Variants in NALF1 observed in about 807,000 individuals in gnomAD.
The protein encoded by NALF1 is NALCN channel auxiliary factor 1, also known as family with sequence similarity 155 member A.
A neutral mutation model predicts 48.4 loss-of-function variants in NALF1; 3 were observed. That is an observed-to-expected ratio of 0.06 (90% CI 0.03 to 0.16). The LOEUF (loss-of-function observed/expected upper bound fraction) is 0.16, where lower values mean the gene tolerates loss of function less well. NALF1 is among the 10% of genes least tolerant of loss of function. The probability of loss-of-function intolerance (pLI) is 1.00; values close to 1 mark genes in which losing one functional copy is unlikely to be tolerated. For missense variants in NALF1, 526 were observed against 571.5 expected (o/e 0.92, Z 0.81); for synonymous variants, 262 against 245.7 (o/e 1.07, Z -0.62).
At chr13:107,204,064 CACAA>C (rs1879582401) in intron 2 of NALF1, among the ~76,000 whole-genome samples, 1 of 142,898 alleles carries the variant, frequency 7.0e-6, no homozygotes, top group Non-Finnish European at 1.5e-5. Context: ...GAGGGGCGCC[CACAA>C]GCTCTCCCTG....
intron 1 of NALF1, among the ~76,000 whole-genome samples, chr13:107,387,700 C>T (rs913566244): frequency 6.6e-6 from 1 of 152,214 alleles, no homozygotes; most frequent in Non-Finnish European, 1.5e-5. Flanking sequence ...GAGAGTCAGA[C>T]TGCATGCAAG....
At chr13:107,175,050 AC>A (rs1240566831) in intron 2 of NALF1, among the ~76,000 whole-genome samples, 2 of 90,126 alleles carry the variant, frequency 2.2e-5, no homozygotes, top group South Asian at 3.8e-4. Flanking sequence ...CGCCCGGCTA[AC>A]TTTTTTTTTT....
intron 1 of NALF1, among the ~76,000 whole-genome samples, chr13:107,620,842 A>T (rs1879500231): frequency 6.6e-6 from 1 of 152,224 alleles, no homozygotes; most frequent in African/African-American, 2.4e-5. Flanking sequence ...GTGTCCGCCC[A>T]TTCTAACTCA....
chr13:107,178,097 T>G (rs1878978629), intron 2 of NALF1, among the ~76,000 whole-genome samples: 1 of 151,414 alleles, frequency 6.6e-6, no homozygotes, highest in Admixed American at 6.6e-5. Context: ...AACTACGAAA[T>G]TACTAAAAGA....
At chr13:107,419,286 T>G (rs1884144538) in intron 1 of NALF1, among the ~76,000 whole-genome samples, 1 of 152,238 alleles carries the variant, frequency 6.6e-6, no homozygotes, top group Non-Finnish European at 1.5e-5. Flanking sequence ...GTTTAAAGAT[T>G]TTTAAAGCTA....
At chr13:107,728,909 A>T (rs1253471898) in intron 1 of NALF1, among the ~76,000 whole-genome samples, 4 of 152,166 alleles carry the variant, frequency 2.6e-5, no homozygotes, top group Non-Finnish European at 5.9e-5. Flanking sequence ...ACTAGCTACA[A>T]CGAGAGAGAA....
At chr13:107,833,145 C>A (rs148992879) in intron 1 of NALF1, among the ~76,000 whole-genome samples, 1 of 150,058 alleles carries the variant, frequency 6.7e-6, no homozygotes. Flanking sequence ...ATGGTCCCTG[C>A]GCCTCCTTTA....
At chr13:107,804,416 T>C (rs1878712191) in intron 1 of NALF1, among the ~76,000 whole-genome samples, 2 of 151,950 alleles carry the variant, frequency 1.3e-5, no homozygotes, top group Non-Finnish European at 2.9e-5. Flanking sequence ...TTTTTTTTTT[T>C]TCTCTGAGAA....
intron 1 of NALF1, among the ~76,000 whole-genome samples, chr13:107,238,433 A>G (rs1880397662): frequency 6.6e-6 from 1 of 152,174 alleles, no homozygotes; most frequent in Admixed American, 6.5e-5. Context: ...CAGGTCAGGT[A>G]AATGCAGCTC....
intron 1 of NALF1, among the ~76,000 whole-genome samples, chr13:107,456,199 CT>C (rs912397774): frequency 2.0e-5 from 3 of 152,082 alleles, no homozygotes; most frequent in African/African-American, 7.2e-5. Context: ...CAAGTTCAGG[CT>C]TTCTCTCACC....
At chr13:107,414,585 T>A (rs1204391362) in intron 1 of NALF1, among the ~76,000 whole-genome samples, 1 of 151,610 alleles carries the variant, frequency 6.6e-6, no homozygotes, top group African/African-American at 2.4e-5. Flanking sequence ...ATTTTCCCGA[T>A]TAGATTTTCA....
At chr13:107,408,774 C>G (rs1485121472) in intron 1 of NALF1, among the ~76,000 whole-genome samples, 1 of 152,070 alleles carries the variant, frequency 6.6e-6, no homozygotes, top group African/African-American at 2.4e-5. Flanking sequence ...AAATACTACA[C>G]AGTGAATAAA....
At chr13:107,322,582 C>A (rs772434325) in intron 1 of NALF1, among the ~76,000 whole-genome samples, 1 of 152,100 alleles carries the variant, frequency 6.6e-6, no homozygotes, top group Non-Finnish European at 1.5e-5. Flanking sequence ...TGAATGAACA[C>A]CAAGGATGAC....
At chr13:107,367,760 C>T (rs1435600440) in intron 1 of NALF1, among the ~76,000 whole-genome samples, 2 of 152,154 alleles carry the variant, frequency 1.3e-5, no homozygotes, top group Non-Finnish European at 2.9e-5. Flanking sequence ...GGGTAAAGAT[C>T]ATTATCCGTT....
At position 107,165,388 on chromosome 13, in the gene NALF1, T is replaced by C. The variant is rs1406952848; in HGVS notation, c.*5109A>G. On this transcript the variant is annotated 3_prime_UTR_variant, in exon 3 of 3. Transcript: ENST00000375915. ...GATCCCACTGTGCCTCGGAGCCAGCTTGTGTAATTTGTAATCAGAAGATGC... is the reference window on the plus strand; with the variant it reads ...GATCCCACTGTGCCTCGGAGCCAGCCTGTGTAATTTGTAATCAGAAGATGC... 6.6e-6 allele frequency: 1 copy of C among 152,184 alleles called. No homozygotes were observed. Among genetic ancestry groups the C allele is most frequent in the Non-Finnish European group, 1.5e-5 (1 of 68,032 alleles). The allele number at this position is 152,184 out of a possible 1,614,324, so 9.4% of individuals were successfully genotyped here.
At chr13:107,780,673 T>A (rs1273337682) in intron 1 of NALF1, among the ~76,000 whole-genome samples, 1 of 151,930 alleles carries the variant, frequency 6.6e-6, no homozygotes, top group African/African-American at 2.4e-5. Context: ...GGCTCACACC[T>A]GTAATCCCAG....
intron 1 of NALF1, among the ~76,000 whole-genome samples, chr13:107,230,714 G>A (rs184608059): frequency 3.9e-5 from 6 of 151,990 alleles, no homozygotes; most frequent in Non-Finnish European, 7.4e-5. Context: ...AAGATAGCTG[G>A]GCCAGGAAGA....
intron 1 of NALF1, among the ~76,000 whole-genome samples, chr13:107,705,480 AG>A (rs1210386810): frequency 6.7e-6 from 1 of 148,758 alleles, no homozygotes; most frequent in East Asian, 2.0e-4. Flanking sequence ...GAGCTGCAAA[AG>A]GTTCATATGC....
At chr13:107,801,617 G>A (rs1878615044) in intron 1 of NALF1, among the ~76,000 whole-genome samples, 1 of 152,176 alleles carries the variant, frequency 6.6e-6, no homozygotes, top group Non-Finnish European at 1.5e-5. Context: ...GAAACTGACT[G>A]CAGAAAATTA....
Sources: allele counts gnomAD v4.1 joint callset (sites outside exome capture counted in the v4.1 genomes callset), GRCh38; gene constraint gnomAD v4.1.1; transcripts MANE v1.5; gene names NCBI Gene and HGNC (gene_info 2026-07-23, HGNC 2026-07-21).